Variants in PARK7 observed in about 807,000 individuals in gnomAD.
The protein encoded by PARK7 is Parkinson disease protein 7.
Under a neutral mutation model 20.5 loss-of-function variants are expected in PARK7, and 14 were observed. That is an observed-to-expected ratio of 0.68 (90% confidence interval 0.45 to 1.07). The LOEUF (loss-of-function observed/expected upper bound fraction) is 1.07. PARK7 is among the 50% of genes least tolerant of loss of function. The pLI, the probability that PARK7 is intolerant of heterozygous loss-of-function variation, is 0.00. For missense variants in PARK7, 234 were observed against 238.1 expected (o/e 0.98, Z 0.11); for synonymous variants, 98 against 84.3 (o/e 1.16, Z -0.89).
At chr1:7,983,281 G>A (rs762371362) in intron 6 of PARK7, among the ~76,000 whole-genome samples, 7 of 152,222 alleles carry the variant, frequency 4.6e-5, no homozygotes, top group African/African-American at 1.2e-4. Flanking sequence ...GCCTGCCTGC[G>A]TGGCCGGTGC....
chr1:7,970,437 T>C (rs531355260), intron 4 of PARK7, among the ~76,000 whole-genome samples: 31 of 152,246 alleles, frequency 2.0e-4, no homozygotes, highest in Non-Finnish European at 3.2e-4. Context: ...TGTTCCTCAT[T>C]TTAAGTCGTA....
At chr1:7,967,534 G>A (rs547840400) in intron 3 of PARK7, among the ~76,000 whole-genome samples, 3 of 152,124 alleles carry the variant, frequency 2.0e-5, no homozygotes, top group Non-Finnish European at 4.4e-5. Flanking sequence ...GATTCTAAAA[G>A]GAGTAAAATA....
intron 3 of PARK7, among the ~76,000 whole-genome samples, chr1:7,967,167 TG>T (rs2151429710): frequency 6.6e-6 from 1 of 152,270 alleles, no homozygotes; most frequent in South Asian, 2.1e-4. Context: ...GAACATGGAG[TG>T]TTTAATTTGC....
At chr1:7,977,911 C>T in intron 6 of PARK7, among the ~76,000 whole-genome samples, 173 bp downstream of exon 6, 1 of 150,662 alleles carries the variant, frequency 6.6e-6, no homozygotes, top group South Asian at 2.1e-4. Context: ...AGGCGCATGC[C>T]ATCACACCCA....
chr1:7,972,989 G>A (rs1424149255), intron 5 of PARK7, among the ~76,000 whole-genome samples: 1 of 152,238 alleles, frequency 6.6e-6, no homozygotes, highest in East Asian at 1.9e-4. Flanking sequence ...GGCGGAGGTT[G>A]CAGTGAGCCG....
intron 3 of PARK7, among the ~76,000 whole-genome samples, chr1:7,966,987 G>A (rs1430435470): frequency 1.3e-5 from 2 of 152,018 alleles, no homozygotes; most frequent in East Asian, 1.9e-4. Flanking sequence ...GTCATTCTAC[G>A]GGGGTATAGA....
Position 7,981,955 on chromosome 1 carries a change from G to GC in PARK7, c.410-2932dup, listed in dbSNP as rs1193730771. 3.5e-4 allele frequency among the ~76,000 whole-genome samples: 47 copies of GC among 134,830 alleles called. No homozygotes were observed. The South Asian group carries it at 3.9e-3, about 11-fold the overall frequency. 88.5% of individuals were successfully genotyped at this position (134,830 alleles called of 152,430 possible). A position where few individuals can be genotyped will look rare whatever the true frequency, so the allele number is the denominator to read the frequency against. ...TTACAGGCGTGAGCCACTATGCCCA[G>GC]CCCCCCCGCCTTTTTTTTTTTTTTT... On this transcript the variant is annotated intron_variant, in intron 6 of 6. Transcript: ENST00000338639.
At position 7,970,934 on chromosome 1, in the gene PARK7, G is replaced by A. The variant is rs71653619; in HGVS notation, c.293G>A (p.Arg98Gln). The A allele has an allele frequency of 9.3e-3, 15,045 of 1,614,132 alleles. 104 individuals are homozygous for A. Among genetic ancestry groups the A allele is most frequent in the Middle Eastern group, 0.019 (115 of 6,062 alleles). Residue 98 changes from arginine to glutamine, a missense_variant, in exon 5 of 7, where the codon CGG becomes CAG. Coordinates refer to ENST00000338639, the MANE Select transcript of PARK7 (RefSeq NM_007262.5). ...GAGATACTGAAGGAGCAGGAAAACC[G>A]GAAGGGCCTGATAGCCGCCATCTGT... ...VKEILKEQEN[R>Q]KGLIAAICAG...
At chr1:7,966,743 C>T (rs779414440) in intron 3 of PARK7, among the ~76,000 whole-genome samples, 6 of 151,926 alleles carry the variant, frequency 3.9e-5, no homozygotes, top group Non-Finnish European at 7.4e-5. Flanking sequence ...TTTTTTTCAT[C>T]TCTGTTTGTG....
At chr1:7,978,367 C>T (rs1000234718) in intron 6 of PARK7, among the ~76,000 whole-genome samples, 19 of 148,914 alleles carry the variant, frequency 1.3e-4, no homozygotes, top group African/African-American at 2.2e-4. Context: ...TTAGCCACCG[C>T]GCCTGGCCCA....
At chr1:7,977,620 C>T (rs1251036004) in intron 5 of PARK7, 32 bp from the exon 6 acceptor site, 22 of 1,581,532 alleles carry the variant, frequency 1.4e-5, no homozygotes, top group Non-Finnish European at 1.9e-5. Context: ...TTTTCTATAT[C>T]TGCACTTAGA....
intron 2 of PARK7, among the ~76,000 whole-genome samples, chr1:7,964,315 G>A (rs1306372924): frequency 2.0e-5 from 3 of 152,114 alleles, no homozygotes; most frequent in Non-Finnish European, 4.4e-5. Context: ...AGAAACTGAG[G>A]CACAGAGACA....
rs1231001702 is a variant in PARK7 at position 7,982,249 on chromosome 1, A to T, written c.410-2645A>T. 6.7e-5 allele frequency among the ~76,000 whole-genome samples: 10 copies of T among 149,370 alleles called. No individual in the cohort carries two copies. The East Asian group carries it at 7.9e-4, about 12-fold the overall frequency. On this transcript the variant is annotated intron_variant, in intron 6 of 6. Transcript: ENST00000338639. The stretch of plus-strand genomic sequence containing the variant: ...TGATCCACCTGCCTTGGCGTCCCAG[A>T]GTGTTGGAATTACCGGCATGAGCCA...
intron 6 of PARK7, among the ~76,000 whole-genome samples, chr1:7,978,028 G>A (rs1197566328): frequency 1.8e-5 from 2 of 113,526 alleles, no homozygotes; most frequent in Non-Finnish European, 3.3e-5. Context: ...ACAGAGTCTC[G>A]CTCTGTTGCC....
chr1:7,982,485 G>A (rs543152169), intron 6 of PARK7, among the ~76,000 whole-genome samples: 1 of 152,286 alleles, frequency 6.6e-6, no homozygotes, highest in Non-Finnish European at 1.5e-5. Flanking sequence ...TCGCCACTAG[G>A]TGGAGGCAGT....
intron 5 of PARK7, among the ~76,000 whole-genome samples, chr1:7,975,948 G>T (rs766222009): frequency 6.6e-6 from 1 of 152,164 alleles, no homozygotes; most frequent in African/African-American, 2.4e-5. Context: ...TAAAAATAAC[G>T]TGGAGAAGAG....
In PARK7 at chr1:7,985,053, A is replaced by AGAG. The variant is rs1343631842; in HGVS notation, c.570_*2dup. ...AAGGCTCCACTTGTTCTTAAAGACT[A>AGAG]GAGCAGCGAACTGCGACGATCACTT... On this transcript the variant is annotated inframe_insertion and stop_retained_variant, in exon 7 of 7. Coordinates refer to ENST00000338639, the MANE Select transcript of PARK7 (RefSeq NM_007262.5). 6.2e-7 allele frequency: 1 copy of AGAG among 1,614,072 alleles called. No individual in the cohort carries two copies.
rs770946447 is a variant in PARK7 at position 7,965,336 on chromosome 1, G to A, written c.103G>A (p.Val35Ile). The A allele has an allele frequency of 4.6e-5, 74 of 1,613,906 alleles. 1 individual carries two copies. Among genetic ancestry groups the A allele is most frequent in the South Asian group, 4.1e-4 (37 of 91,084 alleles). Residue 35 changes from valine (V) to isoleucine (I), a missense_variant, in exon 3 of 7, where the codon GTT becomes ATT. Coordinates refer to ENST00000338639, the MANE Select transcript of PARK7 (RefSeq NM_007262.5). ...VMRRAGIKVT[V>I]AGLAGKDPVQ... ...ATCTTTCTCGTAGATTAAGGTCACC[G>A]TTGCAGGCCTGGCTGGAAAAGACCC...
chr1:7,982,327 TC>T (rs2151439249), intron 6 of PARK7, among the ~76,000 whole-genome samples: 1 of 151,910 alleles, frequency 6.6e-6, no homozygotes, highest in South Asian at 2.1e-4. Flanking sequence ...AGACTTGGAG[TC>T]TGGTTTAAAA....
Sources: allele counts gnomAD v4.1 joint callset (sites outside exome capture counted in the v4.1 genomes callset), GRCh38; gene constraint gnomAD v4.1.1; transcripts MANE v1.5; gene names NCBI Gene and HGNC (gene_info 2026-07-23, HGNC 2026-07-21).